TTC12: variants seen among roughly 807,000 people sequenced by gnomAD.
TTC12 encodes tetratricopeptide repeat protein 12.
Under a neutral mutation model 90.1 loss-of-function variants are expected in TTC12, and 70 were observed. That is an observed-to-expected ratio of 0.78 (90% CI 0.64 to 0.95). The LOEUF (loss-of-function observed/expected upper bound fraction) is 0.95. Among genes scored for constraint, TTC12 ranks in the 40% least tolerant of loss-of-function variants. TTC12 has a pLI of 0.00. For synonymous variants in TTC12, 296 were observed against 311.5 expected, an observed-to-expected ratio of 0.95 and a Z score of 0.53; for missense variants, 819 against 846.1, an observed-to-expected ratio of 0.97 and a Z score of 0.40.
At chr11:113,334,106 C>T (rs1001873462) in intron 7 of TTC12, among the ~76,000 whole-genome samples, 6 of 152,206 alleles carry the variant, frequency 3.9e-5, no homozygotes, top group Non-Finnish European at 5.9e-5. Context: ...GAACAAGGAT[C>T]CACCCCGGGA....
At chr11:113,339,954 A>G (rs552069007) in intron 10 of TTC12, among the ~76,000 whole-genome samples, 4 of 152,230 alleles carry the variant, frequency 2.6e-5, no homozygotes, top group African/African-American at 9.6e-5. Flanking sequence ...CAAGCATCCC[A>G]TACCACCTCG....
chr11:113,325,656 C>CAGGG lies in TTC12; in HGVS notation c.444+13_444+16dup. On this transcript the variant is annotated intron_variant, in intron 6 of 21. Coordinates refer to ENST00000529221, the MANE Select transcript of TTC12 (RefSeq NM_017868.4). ...ACCAACCGAGCCCAGGTCAGTGAGG[C>CAGGG]AGGGATGTATCCATGGGGCTTTCTC... 1.2e-6 allele frequency: 2 copies of CAGGG among 1,613,536 alleles called. No individual in the cohort carries two copies. Among genetic ancestry groups the CAGGG allele is most frequent in the African/African-American group, 1.3e-5 (1 of 75,014 alleles).
chr11:113,365,292 ACGTGCTGCTC>A (rs1261010587), intron 21 of TTC12, among the ~76,000 whole-genome samples: 1 of 151,984 alleles, frequency 6.6e-6, no homozygotes, highest in African/African-American at 2.4e-5. Context: ...TCTGACAGGG[ACGTGCTGCTC>A]CCACTTGCTG....
intron 16 of TTC12, 45 bp from the exon 17 acceptor site, chr11:113,359,318 C>G (rs1565624293): frequency 7.5e-7 from 1 of 1,324,524 alleles, no homozygotes; most frequent in Non-Finnish European, 1.1e-6. Flanking sequence ...CCATAAAAAG[C>G]TGTAAGGCAA....
intron 1 of TTC12, among the ~76,000 whole-genome samples, chr11:113,315,595 T>A (rs1555135071): frequency 6.6e-6 from 1 of 152,214 alleles, no homozygotes; most frequent in Non-Finnish European, 1.5e-5. Flanking sequence ...ATTTTTATGA[T>A]CTGTGGATGA....
rs782190232 is a variant in TTC12, at chr11:113,351,254, C to T, written c.1263C>T (p.Phe421=). 6.2e-7 allele frequency: 1 copy of T among 1,614,110 alleles called. No homozygotes were observed. The highest frequency in any genetic ancestry group is 1.1e-5 in the South Asian group (1 of 91,068). The change falls in exon 15 of 22, where the codon TTC becomes TTT. Residue 421 remains phenylalanine, a synonymous_variant. Coordinates refer to ENST00000529221, the MANE Select transcript of TTC12 (RefSeq NM_017868.4). ...LALEERFQVW[F]QANLPGVLPA... ...TTCTCAACAGATTCCAAGTCTGGTT[C>T]CAGGCCAACCTTCCAGGTGTTCTCC...
chr11:113,317,179 C>A (rs1457822263), intron 2 of TTC12, among the ~76,000 whole-genome samples: 1 of 152,192 alleles, frequency 6.6e-6, no homozygotes, highest in Admixed American at 6.5e-5. Flanking sequence ...GTTCATGACC[C>A]CCACATCTAC....
At chr11:113,319,466 T>C (rs1371569318) in intron 2 of TTC12, among the ~76,000 whole-genome samples, 2 of 152,022 alleles carry the variant, frequency 1.3e-5, no homozygotes, top group Admixed American at 6.5e-5. Flanking sequence ...AAAAAGTTAA[T>C]TAAAAGACAT....
At chr11:113,366,078 C>T (rs764149465) in intron 21 of TTC12, 147 bp from the exon 22 acceptor site, 17 of 796,052 alleles carry the variant, frequency 2.1e-5, no homozygotes, top group Non-Finnish European at 3.1e-5. Flanking sequence ...TTAGGGTACC[C>T]CAATGCCACA....
chr11:113,348,603 A>G (rs74513194), intron 13 of TTC12, among the ~76,000 whole-genome samples: 1,680 of 152,288 alleles, frequency 0.011, 30 homozygotes, highest in African/African-American at 0.035. Flanking sequence ...CTGTTCTGCT[A>G]TTTTCCTACT....
intron 8 of TTC12, 45 bp from the exon 9 acceptor site, chr11:113,338,729 A>G: frequency 6.6e-7 from 1 of 1,510,590 alleles, no homozygotes; most frequent in Non-Finnish European, 9.2e-7. Context: ...TCTCATAATC[A>G]CCTTTACCCC....
At chr11:113,361,365 A>T (rs1949912455) in intron 18 of TTC12, among the ~76,000 whole-genome samples, 1 of 152,372 alleles carries the variant, frequency 6.6e-6, no homozygotes, top group African/African-American at 2.4e-5. Context: ...AGTAATTTTA[A>T]CAAGTTTCCT....
chr11:113,369,509 C>T (rs1950325458), downstream of TTC12, among the ~76,000 whole-genome samples: 1 of 148,438 alleles, frequency 6.7e-6, no homozygotes, highest in Non-Finnish European at 1.5e-5. Flanking sequence ...CTCATAACGA[C>T]TGTGAGGTGG....
chr11:113,354,907 C>G (rs1349234328), intron 16 of TTC12, among the ~76,000 whole-genome samples: 1 of 152,106 alleles, frequency 6.6e-6, no homozygotes, highest in Non-Finnish European at 1.5e-5. Flanking sequence ...AGGATACTGG[C>G]CTGAAGTTTT....
chr11:113,335,759 C>G (rs1372676165), intron 8 of TTC12, among the ~76,000 whole-genome samples: 2 of 152,198 alleles, frequency 1.3e-5, no homozygotes, highest in African/African-American at 4.8e-5. Flanking sequence ...ATCAGTTCTT[C>G]ATTCCTTTTT....
intron 21 of TTC12, chr11:113,365,536 TGGA>T (rs1312493783): frequency 5.0e-6 from 1 of 198,896 alleles, no homozygotes; most frequent in Non-Finnish European, 1.1e-5. Flanking sequence ...GAGAAAACAG[TGGA>T]GAAGGAGAGA....
In TTC12 at chr11:113,364,830, T is replaced by C. The variant is rs759802943; in HGVS notation, c.1817-5T>C. 6.2e-7 allele frequency: 1 copy of C among 1,613,370 alleles called. No homozygotes were observed. Among genetic ancestry groups the C allele is most frequent in the Non-Finnish European group, 8.5e-7 (1 of 1,179,324 alleles). On this transcript the variant is annotated splice_region_variant and splice_polypyrimidine_tract_variant and intron_variant, in intron 20 of 21. Coordinates refer to ENST00000529221, the MANE Select transcript of TTC12 (RefSeq NM_017868.4). ...GCTGTTGCTTGTTCTCTTCTTTCCC[T>C]GCAGAGTTGAGCGTTATGATGAAGC...
At chr11:113,323,724 T>C (rs1370178195) in intron 3 of TTC12, among the ~76,000 whole-genome samples, 2 of 152,138 alleles carry the variant, frequency 1.3e-5, no homozygotes, top group Non-Finnish European at 2.9e-5. Flanking sequence ...TAAGGTAATG[T>C]ATTCTAACTC....
chr11:113,355,789 C>T (rs1949601274), intron 16 of TTC12, among the ~76,000 whole-genome samples: 2 of 152,078 alleles, frequency 1.3e-5, no homozygotes, highest in Non-Finnish European at 2.9e-5. Context: ...GAGTTCATTT[C>T]TTAGTCTTAA....
Sources: gnomAD v4.1 joint callset for allele counts (sites outside exome capture counted in the v4.1 genomes callset) on GRCh38, gnomAD v4.1.1 for gene constraint, MANE v1.5 for transcripts, NCBI Gene and HGNC (gene_info 2026-07-23, HGNC 2026-07-21) for gene names.